AGO4: variants seen among roughly 807,000 people sequenced by gnomAD.
AGO4 encodes argonaute RISC component 4, also known as protein argonaute-4.
A neutral mutation model predicts 104.7 loss-of-function variants in AGO4; 33 were observed. The observed-to-expected ratio is 0.32, with a 90% CI of 0.24 to 0.42. The LOEUF is 0.42. AGO4 is among the 10% of genes least tolerant of loss of function. The pLI, the probability that AGO4 is intolerant of heterozygous loss-of-function variation, is 1.00. For synonymous variants in AGO4, 331 were observed against 364.7 expected, an observed-to-expected ratio of 0.91 and a Z score of 1.05; for missense variants, 711 against 1,083.4, an observed-to-expected ratio of 0.66 and a Z score of 4.83.
intron 15 of AGO4, 150 bp from the exon 16 acceptor site, chr1:35,850,007 T>C: frequency 1.7e-6 from 1 of 579,832 alleles, no homozygotes; most frequent in Non-Finnish European, 3.0e-6. Flanking sequence ...TAAGGGAAAG[T>C]TACAGAGGAT....
intron 15 of AGO4, among the ~76,000 whole-genome samples, chr1:35,843,672 G>A (rs571401123): frequency 2.3e-4 from 35 of 151,756 alleles, no homozygotes; most frequent in Non-Finnish European, 3.4e-4. Flanking sequence ...AAAAAAAATA[G>A]TACTTCTTAG....
At chr1:35,836,902 G>A in intron 13 of AGO4, among the ~76,000 whole-genome samples, 1 of 152,118 alleles carries the variant, frequency 6.6e-6, no homozygotes, top group Middle Eastern at 3.2e-3. Flanking sequence ...CACTTACACT[G>A]AGAGTTCTAC....
intron 2 of AGO4, among the ~76,000 whole-genome samples, chr1:35,820,347 T>A (rs897819832): frequency 6.6e-6 from 1 of 151,808 alleles, no homozygotes; most frequent in Admixed American, 6.6e-5. Flanking sequence ...ATTAAGAAAG[T>A]TTAATTTTTT....
At chr1:35,816,632 C>T (rs1191984725) in intron 1 of AGO4, among the ~76,000 whole-genome samples, 2 of 151,878 alleles carry the variant, frequency 1.3e-5, no homozygotes, top group African/African-American at 4.8e-5. Flanking sequence ...AACCCTGTCT[C>T]TACTAAAAAT....
chr1:35,818,567 T>G (rs1643786220), intron 2 of AGO4, among the ~76,000 whole-genome samples: 1 of 151,106 alleles, frequency 6.6e-6, no homozygotes, highest in Admixed American at 6.6e-5. Flanking sequence ...GAGGTTGCAG[T>G]GAGTGGAGAT....
chr1:35,813,686 C>T (rs1274970506), intron 1 of AGO4, among the ~76,000 whole-genome samples: 1 of 148,606 alleles, frequency 6.7e-6, no homozygotes, highest in African/African-American at 2.5e-5. Context: ...GAGGTCGAGG[C>T]TGCAGTGAGC....
At chr1:35,847,408 A>G (rs986869676) in intron 15 of AGO4, among the ~76,000 whole-genome samples, 6 of 151,896 alleles carry the variant, frequency 4.0e-5, no homozygotes, top group African/African-American at 1.2e-4. Context: ...TAATTTTTGG[A>G]TTTTTAGTAG....
rs1644140770 is a variant in AGO4 at position 35,830,038 on chromosome 1, G to A, written c.849-1389G>A. On this transcript the variant is annotated intron_variant, in intron 7 of 17. Transcript: ENST00000373210. The stretch of plus-strand genomic sequence containing the variant: ...GCCAGGCATTTGTCCCAGCTAGTTG[G>A]GAGGCTGAGGTGGGAGAATTGCTTG... Among the ~76,000 whole-genome samples, 5 of 150,840 alleles carry A rather than the reference G, an allele frequency of 3.3e-5. No homozygotes were observed. The Admixed American group carries it at 3.3e-4, about 10-fold the overall frequency.
intron 2 of AGO4, among the ~76,000 whole-genome samples, chr1:35,817,902 G>A (rs1319204101): frequency 1.3e-5 from 2 of 152,130 alleles, no homozygotes; most frequent in East Asian, 1.9e-4. Flanking sequence ...TCCATCCAAC[G>A]AATATTTTAT....
intron 11 of AGO4, among the ~76,000 whole-genome samples, 178 bp downstream of exon 11, chr1:35,832,748 A>G (rs574277090): frequency 1.3e-5 from 2 of 152,308 alleles, no homozygotes; most frequent in Non-Finnish European, 2.9e-5. Context: ...TTACATTAAG[A>G]ATCTGACTCA....
rs528697908 is a variant in AGO4 at position 35,808,638 on chromosome 1, C to G, written c.19+203C>G. ...CGCCCCAGCCGGCCGTTGGGTGGAT[C>G]CCGAGGTCCAGGGGGGAGGTTCGGG... On this transcript the variant is annotated intron_variant, in intron 1 of 17. Transcript: ENST00000373210. This position sits in a 1 kb window ranked among gnomAD's most constrained non-coding sequence, Gnocchi z 5.2. 6.6e-6 allele frequency among the ~76,000 whole-genome samples: 1 copy of G among 152,172 alleles called. No individual in the cohort carries two copies. The highest frequency in any genetic ancestry group is 1.5e-5 in the Non-Finnish European group (1 of 67,962).
rs1644847385 is a variant in AGO4, at chr1:35,857,883, AAAAG to A, written c.*4282_*4285del. The stretch of plus-strand genomic sequence containing the variant: ...ATTAAAACTAAAATAAAACTTTTAA[AAAAG>A]AAATTTCTATTTGAGAATTTTAGAA... On this transcript the variant is annotated 3_prime_UTR_variant, in exon 18 of 18. Coordinates refer to ENST00000373210, the MANE Select transcript of AGO4 (RefSeq NM_017629.4). The A allele has an allele frequency of 6.6e-6, 1 of 152,246 alleles. No individual in the cohort carries two copies. The highest frequency in any genetic ancestry group is 2.1e-4 in the South Asian group (1 of 4,836). The allele number at this position is 152,246 out of a possible 1,614,324, so 9.4% of individuals were successfully genotyped here. A position where few individuals can be genotyped will look rare whatever the true frequency, so the allele number is the denominator to read the frequency against.
intron 1 of AGO4, among the ~76,000 whole-genome samples, chr1:35,811,028 C>T (rs1375842065): frequency 6.6e-6 from 1 of 151,210 alleles, no homozygotes; most frequent in East Asian, 1.9e-4. Context: ...GGTGGCATAC[C>T]TGTAGCCCTA....
intron 1 of AGO4, among the ~76,000 whole-genome samples, chr1:35,813,982 G>A (rs1310761345): frequency 6.6e-6 from 1 of 151,688 alleles, no homozygotes; most frequent in Non-Finnish European, 1.5e-5. Context: ...GGCTGAGGCA[G>A]GAGAATCTCT....
At chr1:35,828,873 A>G (rs1644104048) in intron 7 of AGO4, among the ~76,000 whole-genome samples, 1 of 152,200 alleles carries the variant, frequency 6.6e-6, no homozygotes, top group African/African-American at 2.4e-5. Context: ...GAGACACTAT[A>G]TGTGAAAGTG....
At chr1:35,822,497 AC>A (rs1389412711) in intron 2 of AGO4, among the ~76,000 whole-genome samples, 3 of 151,722 alleles carry the variant, frequency 2.0e-5, no homozygotes. Flanking sequence ...CAAGTGATCC[AC>A]CCACCTCAGC....
At chr1:35,814,883 T>G (rs1643640577) in intron 1 of AGO4, among the ~76,000 whole-genome samples, 2 of 152,082 alleles carry the variant, frequency 1.3e-5, no homozygotes, top group Admixed American at 1.3e-4. Context: ...ACAACTTCTT[T>G]TTGTTGTTGT....
In AGO4 at chr1:35,833,108, G is replaced by T. The variant is rs779570042; in HGVS notation, c.1379+538G>T. ...ATCCTGGCCAACATGGTGAAACCCC[G>T]TCTCTACTAAAATACAAAAAATCAG... On this transcript the variant is annotated intron_variant, in intron 11 of 17. Transcript: ENST00000373210. Among the ~76,000 whole-genome samples, 19 of 151,908 alleles carry T rather than the reference G, an allele frequency of 1.3e-4. No homozygotes were observed. The Middle Eastern group carries it at 0.01, about 82-fold the overall frequency.
rs1557586946 is a variant in AGO4, at chr1:35,854,005, A to C, written c.*400A>C. ...TGTAGTCATTGAGTGGGGTATATGC[A>C]TAAGTGGGAGAGAAAAACCAAACAA... is the stretch of plus-strand genomic sequence containing the variant. On this transcript the variant is annotated 3_prime_UTR_variant, in exon 18 of 18. Transcript: ENST00000373210. The C allele has an allele frequency of 6.5e-6, 1 of 154,450 alleles. No individual in the cohort carries two copies. Among genetic ancestry groups the C allele is most frequent in the African/African-American group, 2.4e-5 (1 of 41,506 alleles). The allele number at this position is 154,450 out of a possible 1,614,324, so 9.6% of individuals were successfully genotyped here.
Sources: gnomAD v4.1 joint callset for allele counts (sites outside exome capture counted in the v4.1 genomes callset) on GRCh38, gnomAD v4.1.1 for gene constraint, Gnocchi (gnomAD v3.1) non-coding constraint, MANE v1.5 for transcripts, NCBI Gene and HGNC (gene_info 2026-07-23, HGNC 2026-07-21) for gene names.